Variants in ATP8A2 observed in about 807,000 individuals in gnomAD.
The protein encoded by ATP8A2 is ATPase phospholipid transporting 8A2.
Under a neutral mutation model 165.6 loss-of-function variants are expected in ATP8A2, and 100 were observed. That is an observed-to-expected ratio of 0.60 (90% CI 0.51 to 0.71). The LOEUF is 0.71. ATP8A2 is among the 30% of genes least tolerant of loss of function. ATP8A2 has a pLI of 0.00. For synonymous variants in ATP8A2, 543 were observed against 548.8 expected, an observed-to-expected ratio of 0.99 and a Z score of 0.15; for missense variants, 1,227 against 1,479.5, an observed-to-expected ratio of 0.83 and a Z score of 2.80.
chr13:25,942,345 G>A (rs1264736110), intron 33 of ATP8A2, among the ~76,000 whole-genome samples: 1 of 152,210 alleles, frequency 6.6e-6, no homozygotes, highest in African/African-American at 2.4e-5. Flanking sequence ...AAATTTCTCA[G>A]TCTGTGGCTT....
At chr13:25,505,208 G>A (rs963441217) in intron 2 of ATP8A2, among the ~76,000 whole-genome samples, 2 of 127,160 alleles carry the variant, frequency 1.6e-5, no homozygotes, top group African/African-American at 3.2e-5. Flanking sequence ...GGGGCGGGGG[G>A]GGGTGGTGGT....
intron 10 of ATP8A2, among the ~76,000 whole-genome samples, chr13:25,544,788 G>A (rs865973602): frequency 4.9e-4 from 75 of 152,246 alleles, no homozygotes; most frequent in African/African-American, 1.7e-3. Flanking sequence ...GGGCCAGAAA[G>A]GAATGCCATG....
chr13:25,882,169 G>T (rs1445600470), intron 33 of ATP8A2, among the ~76,000 whole-genome samples: 1 of 152,164 alleles, frequency 6.6e-6, no homozygotes, highest in Non-Finnish European at 1.5e-5. Flanking sequence ...ACTCGGCATT[G>T]GGTGGATGTT....
chr13:25,757,682 A>G (rs1254721764), intron 25 of ATP8A2, among the ~76,000 whole-genome samples: 1 of 152,202 alleles, frequency 6.6e-6, no homozygotes, highest in African/African-American at 2.4e-5. Flanking sequence ...TGATATTTCA[A>G]GACCTTTACA....
intron 33 of ATP8A2, among the ~76,000 whole-genome samples, chr13:25,907,508 G>C (rs1267609114): frequency 6.6e-6 from 1 of 152,154 alleles, no homozygotes; most frequent in African/African-American, 2.4e-5. Context: ...TCTATCCCTT[G>C]CTGTTTTCAT....
chr13:25,388,062 CAAA>C (rs60007640), intron 1 of ATP8A2, among the ~76,000 whole-genome samples: 237 of 148,998 alleles, frequency 1.6e-3, no homozygotes, highest in South Asian at 0.012. Flanking sequence ...GACTCCATCT[CAAA>C]AAAAAAAAAA....
chr13:25,828,724 ATTTT>A (rs1313235893), intron 28 of ATP8A2, among the ~76,000 whole-genome samples: 1 of 152,168 alleles, frequency 6.6e-6, no homozygotes. Flanking sequence ...CTCATCTGGT[ATTTT>A]TTATGATTTT....
At chr13:25,606,511 A>G (rs2040521059) in intron 24 of ATP8A2, among the ~76,000 whole-genome samples, 1 of 152,200 alleles carries the variant, frequency 6.6e-6, no homozygotes, top group Non-Finnish European at 1.5e-5. Context: ...TTAAATTGCC[A>G]GTCTCCTTCA....
chr13:25,448,381 T>A (rs1225802715), intron 1 of ATP8A2, among the ~76,000 whole-genome samples: 1 of 152,170 alleles, frequency 6.6e-6, no homozygotes, highest in Non-Finnish European at 1.5e-5. Flanking sequence ...TTTTGTAATT[T>A]AAAAATACAC....
At chr13:25,531,203 GAT>G (rs1555291086) in intron 4 of ATP8A2, among the ~76,000 whole-genome samples, 25 of 123,154 alleles carry the variant, frequency 2.0e-4, no homozygotes, top group South Asian at 1.9e-3. Flanking sequence ...TGTTATATAT[GAT>G]ATATGTTATA....
At chr13:25,714,107 C>T (rs1037032187) in intron 25 of ATP8A2, among the ~76,000 whole-genome samples, 1 of 151,128 alleles carries the variant, frequency 6.6e-6, no homozygotes, top group Non-Finnish European at 1.5e-5. Flanking sequence ...AGCTGTATCC[C>T]TCTGCTAAAA....
chr13:25,934,831 A>T (rs375318101), intron 33 of ATP8A2, among the ~76,000 whole-genome samples: 127 of 152,312 alleles, frequency 8.3e-4, no homozygotes, highest in African/African-American at 2.9e-3. Context: ...GACAAAGAAA[A>T]AAAACAACGT....
At chr13:25,811,383 T>A (rs563315063) in intron 27 of ATP8A2, among the ~76,000 whole-genome samples, 18 of 152,288 alleles carry the variant, frequency 1.2e-4, no homozygotes, top group African/African-American at 3.8e-4. Flanking sequence ...AAATTTTAAA[T>A]CAAAATAAAA....
At chr13:25,959,490 G>A (rs1293960571) in intron 33 of ATP8A2, among the ~76,000 whole-genome samples, 2 of 152,146 alleles carry the variant, frequency 1.3e-5, no homozygotes, top group Non-Finnish European at 2.9e-5. Flanking sequence ...CAAAAATGAT[G>A]GTATCTACTG....
At chr13:25,676,403 G>A (rs1341586911) in intron 24 of ATP8A2, among the ~76,000 whole-genome samples, 1 of 152,144 alleles carries the variant, frequency 6.6e-6, no homozygotes, top group South Asian at 2.1e-4. Context: ...CCTCATGAGA[G>A]GTGGAGGATG....
chr13:25,516,351 G>A (rs2037469134), intron 2 of ATP8A2, among the ~76,000 whole-genome samples: 1 of 152,220 alleles, frequency 6.6e-6, no homozygotes, highest in Middle Eastern at 3.4e-3. Context: ...TGGATAACTC[G>A]ATCTCAGAGT....
intron 35 of ATP8A2, among the ~76,000 whole-genome samples, chr13:26,004,736 A>T (rs1046639314): frequency 6.6e-6 from 1 of 152,034 alleles, no homozygotes; most frequent in Non-Finnish European, 1.5e-5. Context: ...GCTTTTCTGC[A>T]TCTATTGAGA....
chr13:25,494,575 T>C (rs2036618310), intron 2 of ATP8A2, among the ~76,000 whole-genome samples: 1 of 152,134 alleles, frequency 6.6e-6, no homozygotes, highest in Non-Finnish European at 1.5e-5. Flanking sequence ...GCTTGTTTGT[T>C]TTTATGAGGG....
chr13:25,553,360 A>G (rs2038882376), intron 11 of ATP8A2, among the ~76,000 whole-genome samples: 1 of 151,934 alleles, frequency 6.6e-6, no homozygotes, highest in Non-Finnish European at 1.5e-5. Context: ...TCTTGTTCAC[A>G]CTTTTGTCCA....
Sources: gnomAD v4.1 joint callset for allele counts (sites outside exome capture counted in the v4.1 genomes callset) on GRCh38, gnomAD v4.1.1 for gene constraint, MANE v1.5 for transcripts, NCBI Gene and HGNC (gene_info 2026-07-23, HGNC 2026-07-21) for gene names.